The following ELAC1 variants were observed in gnomAD, a reference collection of about 807,000 sequenced individuals.
The protein encoded by ELAC1 is zinc phosphodiesterase ELAC protein 1.
Under a neutral mutation model 25.8 loss-of-function variants are expected in ELAC1, and 19 were observed. That is an observed-to-expected ratio of 0.74 (90% confidence interval 0.51 to 1.08). ELAC1 has a LOEUF of 1.08. Among genes scored for constraint, ELAC1 ranks in the 50% least tolerant of loss-of-function variants. The pLI is 0.00. For missense variants in ELAC1, 403 were observed against 434.6 expected (o/e 0.93, Z 0.65); for synonymous variants, 148 against 160.9 (o/e 0.92, Z 0.61).
chr18:50,977,886 G>A (rs1374685941), intron 2 of ELAC1, among the ~76,000 whole-genome samples: 1 of 152,136 alleles, frequency 6.6e-6, no homozygotes, highest in East Asian at 1.9e-4. Context: ...TTGCTGCCTA[G>A]AAATTTCTTC....
At chr18:50,979,635 GT>G (rs1907888185) in intron 2 of ELAC1, among the ~76,000 whole-genome samples, 3 of 152,170 alleles carry the variant, frequency 2.0e-5, no homozygotes, top group African/African-American at 7.2e-5. Flanking sequence ...AGAGGGGATT[GT>G]AGGACGTGAA....
intron 1 of ELAC1, among the ~76,000 whole-genome samples, chr18:50,972,279 A>G (rs1048903980): frequency 6.6e-6 from 1 of 152,078 alleles, no homozygotes; most frequent in Non-Finnish European, 1.5e-5. Context: ...GTATTTTTAT[A>G]TACAATGCAA....
At chr18:50,974,656 A>G in intron 2 of ELAC1, 95 bp downstream of exon 2, 1 of 1,216,334 alleles carries the variant, frequency 8.2e-7, no homozygotes, top group South Asian at 1.3e-5. Context: ...AACAGCCCTG[A>G]TGGTTGCATC....
chr18:50,983,163 T>TTG (rs1555681519), intron 2 of ELAC1, among the ~76,000 whole-genome samples: 1 of 127,178 alleles, frequency 7.9e-6, no homozygotes, highest in Non-Finnish European at 1.6e-5. Context: ...GTGTTTTTTT[T>TTG]TTTTTTTTTT....
At position 50,987,261 on chromosome 18, in the gene ELAC1, T is replaced by A. The variant is rs975658173; in HGVS notation, c.*176T>A. The A allele has an allele frequency of 2.3e-6, 1 of 439,424 alleles. No individual in the cohort carries two copies. The highest frequency in any genetic ancestry group is 3.9e-6 in the Non-Finnish European group (1 of 255,898). 27.2% of individuals were successfully genotyped at this position (439,424 alleles called of 1,614,324 possible). On this transcript the variant is annotated 3_prime_UTR_variant, in exon 4 of 4. Coordinates refer to ENST00000269466, the MANE Select transcript of ELAC1 (RefSeq NM_018696.3). ...TTAAAGGGAGCAAACTTTTTGATAA[T>A]AAATCTTTTTAAGAGAAAAAAAACC...
chr18:50,986,771 G>C lies in ELAC1; in HGVS notation c.778G>C (p.Asp260His), dbSNP rs1363751586. The change falls in exon 4 of 4, where the codon GAT becomes CAT. Residue 260 changes from aspartate (D) to histidine (H), a missense_variant. Physicochemically the swap from Asp to His is moderately conservative, Grantham distance 81. Coordinates refer to ENST00000269466, the MANE Select transcript of ELAC1 (RefSeq NM_018696.3). Reference protein sequence around the residue: ...ILGDCSGVVGDGGVKLCFEAD... With the variant: ...ILGDCSGVVGHGGVKLCFEAD... The stretch of plus-strand genomic sequence containing the variant: ...GGGTGACTGCTCTGGGGTTGTGGGT[G>C]ATGGAGGAGTAAAACTGTGCTTTGA... 6.2e-7 allele frequency: 1 copy of C among 1,614,078 alleles called. No homozygotes were observed. Among genetic ancestry groups the C allele is most frequent in the South Asian group, 1.1e-5 (1 of 91,088 alleles).
chr18:50,975,068 G>A (rs1316593317), intron 2 of ELAC1, among the ~76,000 whole-genome samples: 1 of 152,160 alleles, frequency 6.6e-6, no homozygotes, highest in Non-Finnish European at 1.5e-5. Flanking sequence ...GGGGAATGGA[G>A]TGAGCAGAGG....
At chr18:50,977,613 C>CATG (rs1428946603) in intron 2 of ELAC1, among the ~76,000 whole-genome samples, 5 of 152,206 alleles carry the variant, frequency 3.3e-5, no homozygotes, top group African/African-American at 4.8e-5. Context: ...GCTGTGAAGA[C>CATG]CTCTGACATG....
In ELAC1 at chr18:50,981,199, T is replaced by G. The variant is rs1907941605; in HGVS notation, c.158-2897T>G. ...TAAAAGTATTATAAGAGCATGATTT[T>G]TTAAATGATATAAAAAGTATAAATG... On this transcript the variant is annotated intron_variant, in intron 2 of 3. Coordinates refer to ENST00000269466, the MANE Select transcript of ELAC1 (RefSeq NM_018696.3). 2.0e-5 allele frequency among the ~76,000 whole-genome samples: 3 copies of G among 152,118 alleles called. No homozygotes were observed. In the South Asian group the frequency reaches 6.2e-4, roughly 32 times the overall value.
rs568601865 is a variant in ELAC1 at position 50,974,460 on chromosome 18, G to A, written c.56G>A (p.Arg19Gln). The A allele has an allele frequency of 3.8e-6, 6 of 1,598,236 alleles. No individual in the cohort carries two copies. Among genetic ancestry groups the A allele is most frequent in the East Asian group, 2.3e-5 (1 of 44,122 alleles). The change falls in exon 2 of 4, where the codon CGG becomes CAG. Residue 19 changes from arginine to glutamine, a missense_variant. Coordinates refer to ENST00000269466, the MANE Select transcript of ELAC1 (RefSeq NM_018696.3). ...GTGAAYPSPT[R>Q]GASAVVLRCE... is the part of the protein sequence containing the mutation. ...GGTGCAGCATACCCATCTCCAACCC[G>A]GGGTGCCTCTGCTGTGGTCCTTCGG... is the stretch of plus-strand genomic sequence containing the variant.
intron 2 of ELAC1, among the ~76,000 whole-genome samples, chr18:50,983,318 C>T (rs144315717): frequency 1.4e-4 from 21 of 151,756 alleles, no homozygotes; most frequent in Non-Finnish European, 2.2e-4. Flanking sequence ...TGCGCCACCA[C>T]GACCAGCTAA....
At chr18:50,984,615 C>T (rs1199836382) in intron 3 of ELAC1, 52 bp downstream of exon 3, 1 of 1,279,112 alleles carries the variant, frequency 7.8e-7, no homozygotes, top group Non-Finnish European at 1.1e-6. Context: ...CAATAGGGCT[C>T]CTGTTGACTG....
intron 1 of ELAC1, among the ~76,000 whole-genome samples, chr18:50,974,151 T>G (rs1222787976): frequency 6.6e-6 from 1 of 152,210 alleles, no homozygotes; most frequent in Non-Finnish European, 1.5e-5. Context: ...TCAGCTATAG[T>G]TTTTAATTGC....
rs544004843 is a variant in ELAC1, at chr18:50,982,102, T to TC, written c.158-1991dup. 1.4e-3 allele frequency among the ~76,000 whole-genome samples: 206 copies of TC among 152,208 alleles called. 1 individual carries two copies. Among genetic ancestry groups the TC allele is most frequent in the African/African-American group, 4.7e-3 (197 of 41,532 alleles). On this transcript the variant is annotated intron_variant, in intron 2 of 3. Coordinates refer to ENST00000269466, the MANE Select transcript of ELAC1 (RefSeq NM_018696.3). The stretch of plus-strand genomic sequence containing the variant: ...CTCAGGTGATCCGTCCACCTCAGCC[T>TC]CCCAAAGTGTTGTGATTACAGGCAT...
chr18:50,984,125 C>T lies in ELAC1; in HGVS notation c.187C>T (p.Leu63Phe), dbSNP rs369319230. The T allele has an allele frequency of 3.7e-5, 60 of 1,611,382 alleles. No homozygotes were observed. The highest frequency in any genetic ancestry group is 5.1e-5 in the Non-Finnish European group (60 of 1,179,232). ...AATTACCAAGATCTTCATCACACAC[C>T]TTCATGGAGACCATTTCTTTGGCCT... ...GRITKIFITHLHGDHFFGLPG... is the reference protein window; with the variant it reads ...GRITKIFITHFHGDHFFGLPG... Residue 63 changes from leucine (L) to phenylalanine (F), a missense_variant, in exon 3 of 4, where the codon CTT becomes TTT. Coordinates refer to ENST00000269466, the MANE Select transcript of ELAC1 (RefSeq NM_018696.3).
chr18:50,984,200 A>G lies in ELAC1; in HGVS notation c.262A>G (p.Lys88Glu). ...CCTGCAGAGTGGCTCCATGGTGTCCAAACAGCCTATTGAAATCTATGGCCC... is the reference window on the plus strand; with the variant it reads ...CCTGCAGAGTGGCTCCATGGTGTCCGAACAGCCTATTGAAATCTATGGCCC... ...ISLQSGSMVS[K>E]QPIEIYGPVG... is the part of the protein sequence containing the mutation. Residue 88 changes from lysine (K) to glutamate (E), a missense_variant, in exon 3 of 4, where the codon AAA becomes GAA. By Grantham distance (56) the Lys-to-Glu change is moderately conservative. Transcript: ENST00000269466. 1 of 1,614,150 alleles carries G rather than the reference A, an allele frequency of 6.2e-7. No individual in the cohort carries two copies.
rs575807734 is a variant in ELAC1 at position 50,975,060 on chromosome 18, G to T, written c.157+499G>T. On this transcript the variant is annotated intron_variant, in intron 2 of 3. Coordinates refer to ENST00000269466, the MANE Select transcript of ELAC1 (RefSeq NM_018696.3). Reference sequence around the variant, plus strand: ...GAGAAGAAGGGCATTTCAATCAGGGGGAATGGAGTGAGCAGAGGCCAGCAC... The same window carrying T: ...GAGAAGAAGGGCATTTCAATCAGGGTGAATGGAGTGAGCAGAGGCCAGCAC... Among the ~76,000 whole-genome samples the T allele has an allele frequency of 7.9e-5, 12 of 152,232 alleles. No individual in the cohort carries two copies. The South Asian group carries it at 2.5e-3, about 32-fold the overall frequency.
Position 50,984,220 on chromosome 18 carries a change from T to C in ELAC1, c.282T>C (p.Tyr94=). 6.2e-7 allele frequency: 1 copy of C among 1,614,224 alleles called. No individual in the cohort carries two copies. ...SMVSKQPIEI[Y]GPVGLRDFIW... ...TGTCCAAACAGCCTATTGAAATCTA[T>C]GGCCCTGTAGGGCTTCGGGACTTTA... The change falls in exon 3 of 4, where the codon TAT becomes TAC. Residue 94 remains tyrosine, a synonymous_variant. Coordinates refer to ENST00000269466, the MANE Select transcript of ELAC1 (RefSeq NM_018696.3).
chr18:50,970,415 T>A lies in ELAC1; in HGVS notation c.-9+2301T>A, dbSNP rs1291374188. Among the ~76,000 whole-genome samples the A allele has an allele frequency of 5.3e-5, 8 of 152,360 alleles. No individual in the cohort carries two copies. In the East Asian group the frequency reaches 1.5e-3, roughly 29 times the overall value. On this transcript the variant is annotated intron_variant, in intron 1 of 3. Coordinates refer to ENST00000269466, the MANE Select transcript of ELAC1 (RefSeq NM_018696.3). ...CTTTACAAATGTTAACTTTCTGCAT[T>A]CTGTTTATTCTTACCTATCTTGCAA...
Sources: gnomAD v4.1 joint callset for allele counts (sites outside exome capture counted in the v4.1 genomes callset) on GRCh38, gnomAD v4.1.1 for gene constraint, MANE v1.5 for transcripts, NCBI Gene and HGNC (gene_info 2026-07-23, HGNC 2026-07-21) for gene names.